The following DBF4 variants were observed in gnomAD, a reference collection of about 807,000 sequenced individuals.
DBF4 encodes the protein protein DBF4 homolog A.
A neutral mutation model predicts 76.6 loss-of-function variants in DBF4; 25 were observed. The observed-to-expected ratio is 0.33, with a 90% confidence interval of 0.24 to 0.46. The LOEUF (loss-of-function observed/expected upper bound fraction) is 0.46. Ranked by LOEUF, DBF4 falls within the 20% of genes least tolerant of loss-of-function variation. The pLI, the probability that DBF4 is intolerant of heterozygous loss-of-function variation, is 1.00. For synonymous variants in DBF4, 213 were observed against 258.0 expected (o/e 0.83, Z 1.67); for missense variants, 638 against 760.8 (o/e 0.84, Z 1.90).
chr7:87,886,198 G>A (rs1839344785), intron 3 of DBF4, among the ~76,000 whole-genome samples: 1 of 152,078 alleles, frequency 6.6e-6, no homozygotes, highest in Non-Finnish European at 1.5e-5. Flanking sequence ...ATAATTGTTG[G>A]TTATGGCATT....
rs894210095 is a variant in DBF4 at position 87,909,142 on chromosome 7, A to G, written c.*979A>G. The G allele has an allele frequency of 6.6e-6, 1 of 152,232 alleles. No homozygotes were observed. Among genetic ancestry groups the G allele is most frequent in the African/African-American group, 2.4e-5 (1 of 41,458 alleles). 9.4% of individuals were successfully genotyped at this position (152,232 alleles called of 1,614,324 possible). A position where few individuals can be genotyped will look rare whatever the true frequency, so the allele number is the denominator to read the frequency against. ...ATGAAGGAGAAAAGGATGGCATTGA[A>G]TTATAGATACAGTTTTGGGATATAT... On this transcript the variant is annotated 3_prime_UTR_variant, in exon 12 of 12. Coordinates refer to ENST00000265728, the MANE Select transcript of DBF4 (RefSeq NM_006716.4).
In DBF4 at chr7:87,885,004, A is replaced by G. The variant is rs558090931; in HGVS notation, c.245A>G (p.Asp82Gly). 1.6e-4 allele frequency: 257 copies of G among 1,611,876 alleles called. No individual in the cohort carries two copies. The highest frequency in any genetic ancestry group is 1.9e-4 in the Non-Finnish European group (221 of 1,178,494). The change falls in exon 3 of 12, where the codon GAT becomes GGT. Residue 82 changes from aspartate to glycine, a missense_variant. Asp to Gly is a moderately conservative substitution (Grantham distance 94). Coordinates refer to ENST00000265728, the MANE Select transcript of DBF4 (RefSeq NM_006716.4). ...CGAGTTGAAGAATTTCTCAGCAAAG[A>G]TATCAGTTATCTTATTTCAAATAAG... ...GGRVEEFLSKDISYLISNKKE... is the reference protein window; with the variant it reads ...GGRVEEFLSKGISYLISNKKE...
intron 11 of DBF4, among the ~76,000 whole-genome samples, chr7:87,904,915 T>A (rs1455336911): frequency 6.6e-6 from 1 of 152,222 alleles, no homozygotes; most frequent in Non-Finnish European, 1.5e-5. Flanking sequence ...TTCCATTCTT[T>A]TTAAATTTTC....
At chr7:87,904,832 G>A (rs1471500587) in intron 11 of DBF4, among the ~76,000 whole-genome samples, 3 of 152,066 alleles carry the variant, frequency 2.0e-5, no homozygotes, top group East Asian at 1.9e-4. Flanking sequence ...ATGTATTTTC[G>A]GGATGTAAAT....
At position 87,907,175 on chromosome 7, in the gene DBF4, T is replaced by G. The variant is rs753107040; in HGVS notation, c.1050-13T>G. ...AATTATTTTAATATTTTTCTTCTAT[T>G]TTTCCTACAAAGAATAAAATACAGT... On this transcript the variant is annotated splice_polypyrimidine_tract_variant and intron_variant, in intron 11 of 11. Transcript: ENST00000265728. 1 of 1,526,470 alleles carries G rather than the reference T, an allele frequency of 6.6e-7. No homozygotes were observed. Among genetic ancestry groups the G allele is most frequent in the East Asian group, 2.3e-5 (1 of 43,720 alleles). 94.6% of individuals were successfully genotyped at this position (1,526,470 alleles called of 1,614,324 possible).
Position 87,887,964 on chromosome 7 carries a change from CTTCT to C in DBF4, c.521-12_521-9del. The C allele has an allele frequency of 6.6e-7, 1 of 1,521,352 alleles. No homozygotes were observed. The highest frequency in any genetic ancestry group is 8.8e-7 in the Non-Finnish European group (1 of 1,133,556). 94.2% of individuals were successfully genotyped at this position (1,521,352 alleles called of 1,614,324 possible). Reference sequence around the variant, plus strand: ...AGAGTAAAATTGCTAATCTTAAAACCTTCTTTCTTTTAATAAAGACATTAGATAC... The same window carrying C: ...AGAGTAAAATTGCTAATCTTAAAACCTTCTTTTAATAAAGACATTAGATAC... On this transcript the variant is annotated splice_polypyrimidine_tract_variant and intron_variant, in intron 5 of 11. Transcript: ENST00000265728.
intron 2 of DBF4, among the ~76,000 whole-genome samples, chr7:87,882,216 G>C (rs896048434): frequency 6.6e-6 from 1 of 152,136 alleles, no homozygotes; most frequent in Non-Finnish European, 1.5e-5. Flanking sequence ...AGGGTGCCAA[G>C]ACCATTCATT....
chr7:87,895,098 C>T (rs568198622), intron 6 of DBF4, among the ~76,000 whole-genome samples: 2 of 151,928 alleles, frequency 1.3e-5, no homozygotes, highest in African/African-American at 4.8e-5. Flanking sequence ...TTGGAGATTT[C>T]TATTCATTTG....
chr7:87,901,315 A>G (rs564090617), intron 10 of DBF4, among the ~76,000 whole-genome samples: 1 of 152,312 alleles, frequency 6.6e-6, no homozygotes, highest in South Asian at 2.1e-4. Context: ...AAATGAAGTA[A>G]TGAGACCTGG....
At chr7:87,892,816 A>G (rs939076749) in intron 6 of DBF4, among the ~76,000 whole-genome samples, 3 of 152,072 alleles carry the variant, frequency 2.0e-5, no homozygotes, top group Non-Finnish European at 4.4e-5. Context: ...TACTTTTATC[A>G]TTTGTTTCCA....
intron 11 of DBF4, among the ~76,000 whole-genome samples, chr7:87,904,877 A>G (rs1839878714): frequency 6.6e-6 from 1 of 152,226 alleles, no homozygotes; most frequent in African/African-American, 2.4e-5. Context: ...CCCTACTATC[A>G]AAGATCCTTA....
intron 1 of DBF4, among the ~76,000 whole-genome samples, chr7:87,877,098 A>G (rs1024631421): frequency 2.0e-5 from 3 of 152,202 alleles, no homozygotes; most frequent in Non-Finnish European, 2.9e-5. Flanking sequence ...GGGCTCTCGC[A>G]TATGCTAAGC....
chr7:87,900,106 A>G, intron 8 of DBF4, 115 bp from the exon 9 acceptor site: 1 of 895,818 alleles, frequency 1.1e-6, no homozygotes, highest in Non-Finnish European at 1.7e-6. Context: ...AGGAAAGCCT[A>G]AATAATTTGT....
chr7:87,896,456 C>T lies in DBF4; in HGVS notation c.598-18C>T, dbSNP rs775211178. On this transcript the variant is annotated intron_variant, in intron 6 of 11. Transcript: ENST00000265728. ...TGTACTTTCAAAGCCAATCTTTTCACTATATATTTTTTTTTAGGGCAAAAG... is the reference window on the plus strand; with the variant it reads ...TGTACTTTCAAAGCCAATCTTTTCATTATATATTTTTTTTTAGGGCAAAAG... 1 of 1,606,524 alleles carries T rather than the reference C, an allele frequency of 6.2e-7. No homozygotes were observed. Among genetic ancestry groups the T allele is most frequent in the African/African-American group, 1.3e-5 (1 of 74,678 alleles).
At chr7:87,880,190 A>G (rs1306106483) in intron 2 of DBF4, among the ~76,000 whole-genome samples, 1 of 152,192 alleles carries the variant, frequency 6.6e-6, no homozygotes, top group South Asian at 2.1e-4. Flanking sequence ...TAAAGCAAGA[A>G]CTACTTGCCC....
intron 11 of DBF4, among the ~76,000 whole-genome samples, chr7:87,905,227 C>T (rs1474405216): frequency 6.6e-6 from 1 of 152,184 alleles, no homozygotes; most frequent in Non-Finnish European, 1.5e-5. Context: ...TCTGTTGCAA[C>T]TAATTAGCTT....
chr7:87,876,607 A>G lies in DBF4; in HGVS notation c.-126A>G, dbSNP rs553538706. On this transcript the variant is annotated 5_prime_UTR_variant, in exon 1 of 12. Coordinates refer to ENST00000265728, the MANE Select transcript of DBF4 (RefSeq NM_006716.4). ...TGCAGACGCGGTACCTCTACTGCGTAGAGGCCGTAGCTGGCGGAAGGAGAG... is the reference window on the plus strand; with the variant it reads ...TGCAGACGCGGTACCTCTACTGCGTGGAGGCCGTAGCTGGCGGAAGGAGAG... 628 of 1,070,662 alleles carry G rather than the reference A, an allele frequency of 5.9e-4. 8 individuals are homozygous for G. The South Asian group carries it at 8.0e-3, about 14-fold the overall frequency. 66.3% of individuals were successfully genotyped at this position (1,070,662 alleles called of 1,614,324 possible).
rs566479223 is a variant in DBF4, at chr7:87,899,525, A to G, written c.681-696A>G. Among the ~76,000 whole-genome samples, 11 of 152,334 alleles carry G rather than the reference A, an allele frequency of 7.2e-5. No homozygotes were observed. In the East Asian group the frequency reaches 2.1e-3, roughly 29 times the overall value. On this transcript the variant is annotated intron_variant, in intron 8 of 11. Coordinates refer to ENST00000265728, the MANE Select transcript of DBF4 (RefSeq NM_006716.4). ...GAAAAGATGCTCAACATTACTAATC[A>G]TGAGGGAATTGCAAATCTAAACCAC... is the stretch of plus-strand genomic sequence containing the variant.
At chr7:87,893,678 G>C (rs995306260) in intron 6 of DBF4, among the ~76,000 whole-genome samples, 11 of 152,142 alleles carry the variant, frequency 7.2e-5, no homozygotes, top group African/African-American at 2.4e-4. Context: ...TATTTACATA[G>C]TACTTTTTGC....
Sources: allele counts gnomAD v4.1 joint callset (sites outside exome capture counted in the v4.1 genomes callset), GRCh38; gene constraint gnomAD v4.1.1; transcripts MANE v1.5; gene names NCBI Gene and HGNC (gene_info 2026-07-23, HGNC 2026-07-21).